DAB1: variants seen among roughly 807,000 people sequenced by gnomAD.
The protein encoded by DAB1 is disabled homolog 1.
A neutral mutation model predicts 64.6 loss-of-function variants in DAB1; 15 were observed. The ratio of observed to expected loss-of-function variants is 0.23; its 90% CI spans 0.16 to 0.36. The LOEUF (loss-of-function observed/expected upper bound fraction) is 0.36, where lower values mean the gene tolerates loss of function less well. Among genes scored for constraint, DAB1 ranks in the 10% least tolerant of loss-of-function variants. The pLI is 1.00. For missense variants in DAB1, 596 were observed against 706.7 expected (o/e 0.84, Z 1.78); for synonymous variants, 235 against 251.9 (o/e 0.93, Z 0.64).
intron 9 of DAB1, among the ~76,000 whole-genome samples, chr1:57,030,118 G>T (rs182059464): frequency 6.6e-6 from 1 of 152,256 alleles, no homozygotes; most frequent in African/African-American, 2.4e-5. Context: ...AATCATGGGG[G>T]CTGGTCTTTC....
intron 4 of DAB1, among the ~76,000 whole-genome samples, chr1:58,324,352 T>C (rs1662771323): frequency 1.3e-5 from 2 of 152,210 alleles, no homozygotes; most frequent in African/African-American, 4.8e-5. Context: ...TAAAAATTAT[T>C]TGTATGAATA....
intron 10 of DAB1, 81 bp downstream of exon 10, chr1:57,025,900 A>T: frequency 2.6e-6 from 3 of 1,168,616 alleles, no homozygotes; most frequent in Non-Finnish European, 3.6e-6. Context: ...TCTTTCACTC[A>T]AAGCCCATAT....
At chr1:58,492,551 CA>C (rs1234679090) in intron 3 of DAB1, among the ~76,000 whole-genome samples, 1 of 152,042 alleles carries the variant, frequency 6.6e-6, no homozygotes, top group South Asian at 2.1e-4. Context: ...AGAGAAGAAT[CA>C]AATAGACACA....
chr1:57,929,638 T>A (rs1644927414), intron 5 of DAB1, among the ~76,000 whole-genome samples: 1 of 152,190 alleles, frequency 6.6e-6, no homozygotes, highest in African/African-American at 2.4e-5. Flanking sequence ...TAGCCCATAG[T>A]TCTACAAGTC....
chr1:57,783,069 T>A (rs1252221340), intron 6 of DAB1, among the ~76,000 whole-genome samples: 5 of 138,430 alleles, frequency 3.6e-5, no homozygotes, highest in Non-Finnish European at 7.8e-5. Context: ...CCTTCCTTCC[T>A]TCTTACCTTC....
chr1:57,967,553 G>C (rs556531025), intron 5 of DAB1, among the ~76,000 whole-genome samples: 1 of 152,160 alleles, frequency 6.6e-6, no homozygotes, highest in Non-Finnish European at 1.5e-5. Context: ...CAAAGCCCTA[G>C]AGGGACAAGG....
chr1:58,027,040 T>A (rs527967013), intron 5 of DAB1, among the ~76,000 whole-genome samples: 1 of 152,210 alleles, frequency 6.6e-6, no homozygotes, highest in East Asian at 1.9e-4. Flanking sequence ...AAAAGTGATC[T>A]TAAATACCAT....
intron 6 of DAB1, among the ~76,000 whole-genome samples, chr1:57,714,900 G>A (rs1033613253): frequency 6.6e-6 from 1 of 152,052 alleles, no homozygotes; most frequent in Non-Finnish European, 1.5e-5. Flanking sequence ...AAAGAAAAGG[G>A]AACAGTTAAA....
rs148860829 is a variant in DAB1, at chr1:57,894,478, C to T, written n.388-10316G>A. Among the ~76,000 whole-genome samples, 348 of 152,242 alleles carry T rather than the reference C, an allele frequency of 2.3e-3. 1 individual carries two copies. The highest frequency in any genetic ancestry group is 6.8e-3 in the African/African-American group (284 of 41,534). The stretch of plus-strand genomic sequence containing the variant: ...ATGAGGAAATGCCAACCTCCTGAAT[C>T]GCCAGGAGAGAATATTGCAGAAGGA... On this transcript the variant is annotated intron_variant and non_coding_transcript_variant, in intron 5 of 20. Transcript: ENST00000485760.
intron 6 of DAB1, among the ~76,000 whole-genome samples, chr1:57,651,540 C>A (rs1646256266): frequency 6.6e-6 from 1 of 152,076 alleles, no homozygotes; most frequent in Admixed American, 6.6e-5. Context: ...TGGTTTAAAT[C>A]CCATTTTTGT....
At chr1:58,532,259 C>A (rs982694119) in intron 1 of DAB1, among the ~76,000 whole-genome samples, 4 of 152,092 alleles carry the variant, frequency 2.6e-5, no homozygotes, top group Non-Finnish European at 5.9e-5. Context: ...ATATTAATAA[C>A]TATGTTCTAT....
chr1:57,678,789 T>TTGGGG (rs1646601004), intron 6 of DAB1, among the ~76,000 whole-genome samples: 1 of 151,286 alleles, frequency 6.6e-6, no homozygotes. Context: ...CTTTGTTTTT[T>TTGGGG]GGAGTCTTGC....
chr1:56,997,301 A>G lies in DAB1; in HGVS notation c.*843T>C, dbSNP rs1645664358. The G allele has an allele frequency of 6.6e-6, 1 of 152,200 alleles. No homozygotes were observed. The highest frequency in any genetic ancestry group is 2.4e-5 in the African/African-American group (1 of 41,448). 9.4% of individuals were successfully genotyped at this position (152,200 alleles called of 1,614,324 possible). On this transcript the variant is annotated 3_prime_UTR_variant, in exon 15 of 15. Coordinates refer to ENST00000371236, the MANE Select transcript of DAB1 (RefSeq NM_001365792.1). The stretch of plus-strand genomic sequence containing the variant: ...GATGCATTTTTCATCTTTCTCATCA[A>G]TGGGATCTGATGTCTTTTCCTACTC...
chr1:58,214,359 G>A (rs1658729819), intron 4 of DAB1, among the ~76,000 whole-genome samples: 1 of 152,146 alleles, frequency 6.6e-6, no homozygotes, highest in Non-Finnish European at 1.5e-5. Flanking sequence ...ATCACTGACT[G>A]ACTTATGCTT....
chr1:57,915,138 A>AG (rs1311038770), intron 5 of DAB1, among the ~76,000 whole-genome samples: 4 of 133,428 alleles, frequency 3.0e-5, no homozygotes, highest in African/African-American at 5.8e-5. Context: ...ATAAAAAAAA[A>AG]AAAAAAAGAA....
chr1:58,228,019 G>A (rs919139871), intron 4 of DAB1, among the ~76,000 whole-genome samples: 4 of 152,196 alleles, frequency 2.6e-5, no homozygotes, highest in African/African-American at 4.8e-5. Flanking sequence ...TCCCTGAGGC[G>A]AGGGTAAGCC....
chr1:57,436,506 C>T (rs533818601), intron 7 of DAB1, among the ~76,000 whole-genome samples: 3 of 152,284 alleles, frequency 2.0e-5, no homozygotes, highest in East Asian at 1.9e-4. Flanking sequence ...ATTCTATGAT[C>T]GCTCACCCCA....
At chr1:57,140,103 C>G (rs913487657) in intron 3 of DAB1, among the ~76,000 whole-genome samples, 2 of 152,090 alleles carry the variant, frequency 1.3e-5, no homozygotes, top group Non-Finnish European at 2.9e-5. Flanking sequence ...GGCCACTGTG[C>G]AGAACTAACA....
At chr1:58,172,986 A>G (rs1656261459) in intron 4 of DAB1, among the ~76,000 whole-genome samples, 1 of 152,254 alleles carries the variant, frequency 6.6e-6, no homozygotes, top group Non-Finnish European at 1.5e-5. Flanking sequence ...TCAGTGCAAA[A>G]ACCCAAGGAG....
Sources: allele counts gnomAD v4.1 joint callset (sites outside exome capture counted in the v4.1 genomes callset), GRCh38; gene constraint gnomAD v4.1.1; transcripts MANE v1.5; gene names NCBI Gene and HGNC (gene_info 2026-07-23, HGNC 2026-07-21).